The following NRCAM variants were observed in gnomAD, a reference collection of about 807,000 sequenced individuals.
NRCAM encodes NgCAM-related cell adhesion molecule.
A neutral mutation model predicts 156.5 loss-of-function variants in NRCAM; 83 were observed. The observed-to-expected ratio is 0.53, with a 90% CI of 0.44 to 0.64. The LOEUF (loss-of-function observed/expected upper bound fraction) is 0.64, where lower values mean the gene tolerates loss of function less well. Ranked by LOEUF, NRCAM falls within the 30% of genes least tolerant of loss-of-function variation. The probability of loss-of-function intolerance (pLI) is 0.00; values close to 1 mark genes in which losing one functional copy is unlikely to be tolerated. For missense variants in NRCAM, 1,417 were observed against 1,597.3 expected, an observed-to-expected ratio of 0.89 and a Z score of 1.92; for synonymous variants, 538 against 563.9, an observed-to-expected ratio of 0.95 and a Z score of 0.65.
chr7:108,427,782 T>G (rs564979963), intron 1 of NRCAM, among the ~76,000 whole-genome samples: 3 of 152,224 alleles, frequency 2.0e-5, no homozygotes, highest in African/African-American at 7.2e-5. Flanking sequence ...CAAAAGTGAT[T>G]GTTTTAAAAG....
At chr7:108,326,183 A>G (rs908343918) in intron 2 of NRCAM, among the ~76,000 whole-genome samples, 2 of 152,198 alleles carry the variant, frequency 1.3e-5, no homozygotes, top group East Asian at 3.8e-4. Flanking sequence ...AATAAGACAA[A>G]GTTAATATAA....
At chr7:108,388,461 C>G (rs914926574) in intron 2 of NRCAM, among the ~76,000 whole-genome samples, 1 of 151,990 alleles carries the variant, frequency 6.6e-6, no homozygotes, top group Non-Finnish European at 1.5e-5. Context: ...GGATATTAGC[C>G]CTTTGTCAGA....
At chr7:108,320,531 G>T (rs1593235763) in intron 2 of NRCAM, among the ~76,000 whole-genome samples, 1 of 151,672 alleles carries the variant, frequency 6.6e-6, no homozygotes, top group East Asian at 1.9e-4. Context: ...CTCCAGCCTG[G>T]GTGAGAAAGC....
At chr7:108,176,352 G>A (rs1266230821) in intron 27 of NRCAM, 78 bp downstream of exon 27, 1 of 1,303,642 alleles carries the variant, frequency 7.7e-7, no homozygotes, top group South Asian at 1.2e-5. Flanking sequence ...TCCATAGCAA[G>A]AAGGAAAAAG....
intron 17 of NRCAM, among the ~76,000 whole-genome samples, chr7:108,192,528 T>A (rs1281540969): frequency 6.6e-6 from 1 of 151,890 alleles, no homozygotes; most frequent in East Asian, 1.9e-4. Context: ...AACCAGTCCC[T>A]GGTGCCAAAA....
intron 3 of NRCAM, among the ~76,000 whole-genome samples, chr7:108,291,066 G>A (rs1329205470): frequency 2.6e-5 from 4 of 152,074 alleles, no homozygotes; most frequent in Admixed American, 6.6e-5. Flanking sequence ...GAAAACCGGC[G>A]AGTCCAGAAT....
At chr7:108,403,306 T>C (rs148702114) in intron 1 of NRCAM, among the ~76,000 whole-genome samples, 9 of 152,326 alleles carry the variant, frequency 5.9e-5, no homozygotes, top group Middle Eastern at 3.4e-3. Flanking sequence ...TTCCCAATCT[T>C]GTCCTTACGA....
chr7:108,170,485 G>C (rs994354070), intron 28 of NRCAM, among the ~76,000 whole-genome samples: 3 of 152,178 alleles, frequency 2.0e-5, no homozygotes, highest in African/African-American at 7.2e-5. Flanking sequence ...CTCCTTCGGA[G>C]AGTCTCATCA....
At chr7:108,412,785 A>G (rs899665587) in intron 1 of NRCAM, among the ~76,000 whole-genome samples, 1 of 152,200 alleles carries the variant, frequency 6.6e-6, no homozygotes, top group Non-Finnish European at 1.5e-5. Flanking sequence ...ACATGAAAGT[A>G]AGATCATGTG....
At position 108,225,995 on chromosome 7, in the gene NRCAM, A is replaced by G. The variant is rs2072545; in HGVS notation, c.721+213T>C. On this transcript the variant is annotated intron_variant, in intron 9 of 32. Transcript: ENST00000379028. ...TGGTTCAGAAGGTTATCATGGAACC[A>G]GTCATGACAATAAAAGCAAAAAATG... 9.2e-5 allele frequency among the ~76,000 whole-genome samples: 14 copies of G among 152,350 alleles called. No individual in the cohort carries two copies. The East Asian group carries it at 2.7e-3, about 29-fold the overall frequency.
chr7:108,396,195 G>A (rs2154384563), intron 2 of NRCAM, among the ~76,000 whole-genome samples: 2 of 152,206 alleles, frequency 1.3e-5, no homozygotes, highest in South Asian at 4.1e-4. Flanking sequence ...GAAAATAGAG[G>A]CAAAAAAGAT....
At chr7:108,347,257 C>T (rs1299565010) in intron 2 of NRCAM, among the ~76,000 whole-genome samples, 1 of 151,930 alleles carries the variant, frequency 6.6e-6, no homozygotes, top group Non-Finnish European at 1.5e-5. Flanking sequence ...AGGATGGTCT[C>T]GATCTCCTGA....
chr7:108,159,334 G>A (rs1415280632), intron 32 of NRCAM, 129 bp downstream of exon 32: 12 of 805,606 alleles, frequency 1.5e-5, no homozygotes, highest in Non-Finnish European at 2.4e-5. Flanking sequence ...CTGATACATG[G>A]AAGTATCCCT....
At chr7:108,376,486 G>A (rs911617997) in intron 2 of NRCAM, among the ~76,000 whole-genome samples, 3 of 152,108 alleles carry the variant, frequency 2.0e-5, no homozygotes, top group African/African-American at 7.2e-5. Flanking sequence ...CAGGGCAGGT[G>A]TGGCTGGTAC....
intron 2 of NRCAM, among the ~76,000 whole-genome samples, chr7:108,354,802 G>A (rs1157559890): frequency 4.6e-5 from 7 of 152,012 alleles, no homozygotes; most frequent in African/African-American, 1.7e-4. Context: ...GCAGAGGCAG[G>A]AGAATCGCTT....
At chr7:108,317,482 T>C (rs1326167949) in intron 2 of NRCAM, among the ~76,000 whole-genome samples, 2 of 152,194 alleles carry the variant, frequency 1.3e-5, no homozygotes, top group Non-Finnish European at 1.5e-5. Context: ...AGTTAAACTG[T>C]CAATGAATAT....
In NRCAM at chr7:108,189,679, C is replaced by A; in HGVS notation, c.2001G>T (p.Trp667Cys). ...GGCTATTGTTGTCATCGCCTGGGGT[C>A]CATGACAGCTGAACACTTTTGTCAA... ...DQLDKSVQLSWTPGDDNNSPI... is the reference protein window; with the variant it reads ...DQLDKSVQLSCTPGDDNNSPI... Residue 667 changes from tryptophan (W) to cysteine (C), a missense_variant, in exon 20 of 33, where the codon TGG (tryptophan) becomes TGT (cysteine). Coordinates refer to ENST00000379028, the MANE Select transcript of NRCAM (RefSeq NM_001037132.4). 6.5e-7 allele frequency: 1 copy of A among 1,541,398 alleles called. No homozygotes were observed. The highest frequency in any genetic ancestry group is 9.0e-7 in the Non-Finnish European group (1 of 1,116,296).
intron 1 of NRCAM, among the ~76,000 whole-genome samples, chr7:108,447,026 C>A (rs1845072458): frequency 6.6e-6 from 1 of 152,048 alleles, no homozygotes; most frequent in African/African-American, 2.4e-5. Flanking sequence ...CACACCCAGA[C>A]CCACCTGTCT....
rs372351591 is a variant in NRCAM at position 108,198,009 on chromosome 7, T to A, written c.1298A>T (p.Asn433Ile). Residue 433 changes from asparagine (N) to isoleucine (I), a missense_variant, in exon 14 of 33, where the codon AAT (asparagine) becomes ATT (isoleucine). Transcript: ENST00000379028. ...TAAATATCCATATTCATTAGAGGCA[T>A]TGCACTGATAGACTGCACTTGATCT... ...QERSSAVYQC[N>I]ASNEYGYLLA... 3 of 1,590,852 alleles carry A rather than the reference T, an allele frequency of 1.9e-6. No homozygotes were observed. The highest frequency in any genetic ancestry group is 2.6e-6 in the Non-Finnish European group (3 of 1,168,164).
Sources: allele counts gnomAD v4.1 joint callset (sites outside exome capture counted in the v4.1 genomes callset), GRCh38; gene constraint gnomAD v4.1.1; transcripts MANE v1.5; gene names NCBI Gene and HGNC (gene_info 2026-07-23, HGNC 2026-07-21).